RAB31: variants seen among roughly 807,000 people sequenced by gnomAD.
RAB31 encodes the protein ras-related protein Rab-31.
RAB31 carries 21 observed loss-of-function variants against 25.6 expected under a neutral mutation model. The observed-to-expected ratio is 0.82, with a 90% CI of 0.58 to 1.18. The LOEUF (loss-of-function observed/expected upper bound fraction) is 1.18, where lower values mean the gene tolerates loss of function less well. Ranked by LOEUF, RAB31 falls within the 50% of genes most tolerant of loss-of-function variation. RAB31 has a pLI of 0.00. For missense variants in RAB31, 196 were observed against 250.1 expected (o/e 0.78, Z 1.46); for synonymous variants, 87 against 84.0 (o/e 1.04, Z -0.20).
In RAB31 at chr18:9,708,501, G is replaced by T. The variant is rs1011515401; in HGVS notation, c.39+57G>T. 2.7e-5 allele frequency: 39 copies of T among 1,461,926 alleles called. 2 individuals are homozygous for T. Among genetic ancestry groups the T allele is most frequent in the African/African-American group, 1.5e-4 (10 of 68,234 alleles). The allele number at this position is 1,461,926 out of a possible 1,614,324, so 90.6% of individuals were successfully genotyped here. Reference sequence around the variant, plus strand: ...CCGGCCCGCGCTCTCGCGCCCCTTCGCTCCCCTATTCCCTGCGCGCTCAGT... The same window carrying T: ...CCGGCCCGCGCTCTCGCGCCCCTTCTCTCCCCTATTCCCTGCGCGCTCAGT... On this transcript the variant is annotated intron_variant, in intron 1 of 6. Transcript: ENST00000578921. This position sits in a 1 kb window ranked among gnomAD's most constrained non-coding sequence, Gnocchi z 6.4.
intron 1 of RAB31, among the ~76,000 whole-genome samples, chr18:9,746,058 C>A (rs529267362): frequency 2.6e-5 from 4 of 152,190 alleles, no homozygotes; most frequent in Non-Finnish European, 5.9e-5. Context: ...GGAACTAATA[C>A]ATTCAGTGAA....
chr18:9,850,371 C>T (rs144892528), intron 6 of RAB31, among the ~76,000 whole-genome samples: 240 of 152,266 alleles, frequency 1.6e-3, no homozygotes, highest in African/African-American at 5.0e-3. Context: ...GTGGTCCTCC[C>T]GCCTTGGCTT....
intron 1 of RAB31, among the ~76,000 whole-genome samples, chr18:9,762,085 C>T (rs775714391): frequency 4.9e-4 from 75 of 152,214 alleles, no homozygotes; most frequent in Middle Eastern, 3.4e-3. Context: ...TAGGATTACA[C>T]GTATGAGCCA....
chr18:9,803,394 C>G (rs1301066615), intron 3 of RAB31, among the ~76,000 whole-genome samples: 1 of 152,082 alleles, frequency 6.6e-6, no homozygotes, highest in Non-Finnish European at 1.5e-5. Flanking sequence ...AGCCACTATG[C>G]CTGGCTAATA....
chr18:9,733,874 A>C (rs878952574), intron 1 of RAB31, among the ~76,000 whole-genome samples: 8 of 146,268 alleles, frequency 5.5e-5, no homozygotes, highest in Non-Finnish European at 1.0e-4. Context: ...AGAGACTAGA[A>C]AAAAAATAGG....
At chr18:9,755,826 A>C (rs539530067) in intron 1 of RAB31, among the ~76,000 whole-genome samples, 1 of 152,312 alleles carries the variant, frequency 6.6e-6, no homozygotes, top group South Asian at 2.1e-4. Context: ...TGGACAATGG[A>C]AGAGGAAGTG....
At chr18:9,741,871 C>T (rs2068181288) in intron 1 of RAB31, among the ~76,000 whole-genome samples, 1 of 152,220 alleles carries the variant, frequency 6.6e-6, no homozygotes, top group South Asian at 2.1e-4. Flanking sequence ...ACCCCTCATC[C>T]ACTGCCTCAT....
chr18:9,736,338 C>T (rs181081182), intron 1 of RAB31, among the ~76,000 whole-genome samples: 4 of 152,230 alleles, frequency 2.6e-5, no homozygotes, highest in South Asian at 2.1e-4. Context: ...CCTAGAATTG[C>T]GCTGCCCACT....
intron 5 of RAB31, among the ~76,000 whole-genome samples, chr18:9,843,728 G>A (rs1392013625): frequency 6.6e-6 from 1 of 152,088 alleles, no homozygotes; most frequent in Non-Finnish European, 1.5e-5. Flanking sequence ...TGAATGTCGG[G>A]GTGTACTTTT....
chr18:9,741,326 G>A lies in RAB31; in HGVS notation c.39+32882G>A, dbSNP rs376485657. Among the ~76,000 whole-genome samples the A allele has an allele frequency of 7.4e-5, 10 of 134,330 alleles. No homozygotes were observed. The South Asian group carries it at 1.2e-3, about 16-fold the overall frequency. The allele number at this position is 134,330 out of a possible 152,430, so 88.1% of individuals were successfully genotyped here. A position where few individuals can be genotyped will look rare whatever the true frequency, so the allele number is the denominator to read the frequency against. ...GGTGGGGCAGAGGTTGCAGTGAGCC[G>A]AGATAACGCTACTGCACTCCAGCCT... On this transcript the variant is annotated intron_variant, in intron 1 of 6. Coordinates refer to ENST00000578921, the MANE Select transcript of RAB31 (RefSeq NM_006868.4).
chr18:9,787,291 T>C (rs1009161626), intron 2 of RAB31: 21 of 211,158 alleles, frequency 9.9e-5, no homozygotes, highest in African/African-American at 4.9e-4. Context: ...GCAAAACCTT[T>C]AATCATGACT....
intron 3 of RAB31, among the ~76,000 whole-genome samples, chr18:9,800,457 T>C (rs2068508404): frequency 6.6e-6 from 1 of 152,216 alleles, no homozygotes; most frequent in Non-Finnish European, 1.5e-5. Context: ...TTCCTTCCTC[T>C]TGGCTCAGAC....
Position 9,845,606 on chromosome 18 carries a change from G to A in RAB31, c.405G>A (p.Lys135=). Residue 135 remains lysine (K), a synonymous_variant, in exon 6 of 7, where the codon AAG becomes AAA. Coordinates refer to ENST00000578921, the MANE Select transcript of RAB31 (RefSeq NM_006868.4). ...GGGAGGTTCCCCTGAAGGATGCTAAGGAATACGCTGAATCCATAGGTGCCA... is the reference window on the plus strand; with the variant it reads ...GGGAGGTTCCCCTGAAGGATGCTAAAGAATACGCTGAATCCATAGGTGCCA... ...DIREVPLKDA[K]EYAESIGAIV... The A allele has an allele frequency of 6.4e-7, 1 of 1,561,758 alleles. No individual in the cohort carries two copies. The highest frequency in any genetic ancestry group is 8.7e-7 in the Non-Finnish European group (1 of 1,153,658).
chr18:9,825,890 G>A (rs1334607383), intron 5 of RAB31, among the ~76,000 whole-genome samples: 2 of 152,088 alleles, frequency 1.3e-5, no homozygotes, highest in African/African-American at 2.4e-5. Context: ...AGTAAGCATT[G>A]GGCACTCACG....
chr18:9,841,608 A>G (rs2068734905), intron 5 of RAB31, among the ~76,000 whole-genome samples: 4 of 151,790 alleles, frequency 2.6e-5, no homozygotes, highest in Admixed American at 2.0e-4. Context: ...AAATCATTCC[A>G]TAAAATAGAA....
intron 6 of RAB31, among the ~76,000 whole-genome samples, chr18:9,851,129 G>A (rs1009703750): frequency 2.6e-5 from 4 of 152,142 alleles, no homozygotes; most frequent in South Asian, 2.1e-4. Flanking sequence ...GTGAAGGTAA[G>A]TTTAGCAGTT....
intron 6 of RAB31, among the ~76,000 whole-genome samples, chr18:9,855,210 C>T (rs888520989): frequency 6.6e-6 from 1 of 151,936 alleles, no homozygotes; most frequent in African/African-American, 2.4e-5. Flanking sequence ...CTAAAACCTG[C>T]GTTTCCTCTA....
At chr18:9,784,943 G>T (rs960804658) in intron 2 of RAB31, among the ~76,000 whole-genome samples, 3 of 152,200 alleles carry the variant, frequency 2.0e-5, no homozygotes, top group African/African-American at 7.2e-5. Context: ...GATAGAGTAT[G>T]ATCAATTTTC....
intron 2 of RAB31, among the ~76,000 whole-genome samples, chr18:9,780,816 G>A (rs1283463670): frequency 6.6e-6 from 1 of 152,148 alleles, no homozygotes; most frequent in Non-Finnish European, 1.5e-5. Context: ...TGTAATCCCA[G>A]CTACCTTGGG....
Sources: allele counts gnomAD v4.1 joint callset (sites outside exome capture counted in the v4.1 genomes callset), GRCh38; gene constraint gnomAD v4.1.1; non-coding constraint Gnocchi (gnomAD v3.1); transcripts MANE v1.5; gene names NCBI Gene and HGNC (gene_info 2026-07-23, HGNC 2026-07-21).